Variants in MAPKAP1 observed in about 807,000 individuals in gnomAD.
MAPKAP1 encodes the protein MAPK associated protein 1.
Under a neutral mutation model 65.7 loss-of-function variants are expected in MAPKAP1, and 20 were observed. The observed-to-expected ratio is 0.30, with a 90% CI of 0.21 to 0.44. MAPKAP1 has a LOEUF of 0.44. Among genes scored for constraint, MAPKAP1 ranks in the 20% least tolerant of loss-of-function variants. The pLI, the probability that MAPKAP1 is intolerant of heterozygous loss-of-function variation, is 1.00. For synonymous variants in MAPKAP1, 222 were observed against 244.3 expected (o/e 0.91, Z 0.85); for missense variants, 423 against 648.0 (o/e 0.65, Z 3.77).
rs191575455 is a variant in MAPKAP1 at position 125,678,538 on chromosome 9, G to A, written c.-69-5895C>T. Among the ~76,000 whole-genome samples the A allele has an allele frequency of 4.2e-3, 641 of 152,204 alleles. 5 individuals are homozygous for A. Among genetic ancestry groups the A allele is most frequent in the African/African-American group, 0.014 (600 of 41,532 alleles). ...ATTACAGGCGTGAGCCACCGCGCCC[G>A]GCCCAGGCATTTTTAATATACTAGG... On this transcript the variant is annotated intron_variant, in intron 1 of 11. Coordinates refer to ENST00000265960, the MANE Select transcript of MAPKAP1 (RefSeq NM_001006617.3).
chr9:125,451,278 C>T (rs1852938807), intron 10 of MAPKAP1, among the ~76,000 whole-genome samples: 1 of 152,192 alleles, frequency 6.6e-6, no homozygotes, highest in Non-Finnish European at 1.5e-5. Flanking sequence ...CCTGGCTTCC[C>T]TGGAGGCACG....
At chr9:125,591,175 T>G (rs768968312) in intron 4 of MAPKAP1, among the ~76,000 whole-genome samples, 2 of 152,230 alleles carry the variant, frequency 1.3e-5, no homozygotes, top group African/African-American at 2.4e-5. Flanking sequence ...TCAAACCTCA[T>G]GTCAGCCTGA....
At chr9:125,646,933 T>C (rs936117955) in intron 4 of MAPKAP1, among the ~76,000 whole-genome samples, 2 of 152,232 alleles carry the variant, frequency 1.3e-5, no homozygotes, top group Non-Finnish European at 2.9e-5. Flanking sequence ...GCACCACAAT[T>C]TGATTACTAT....
chr9:125,529,869 T>C (rs1298452113), intron 7 of MAPKAP1, among the ~76,000 whole-genome samples: 2 of 152,262 alleles, frequency 1.3e-5, no homozygotes, highest in Non-Finnish European at 2.9e-5. Context: ...ATTATTGTCA[T>C]GTAAGGCAGA....
chr9:125,524,670 A>G, intron 7 of MAPKAP1, among the ~76,000 whole-genome samples: 1 of 152,180 alleles, frequency 6.6e-6, no homozygotes, highest in East Asian at 1.9e-4. Context: ...TGTTAGATCT[A>G]TTATCTGGGA....
At chr9:125,459,849 A>G (rs1853404007) in intron 10 of MAPKAP1, among the ~76,000 whole-genome samples, 1 of 21,222 alleles carries the variant, frequency 4.7e-5, no homozygotes, top group Non-Finnish European at 9.1e-5. Flanking sequence ...GGAGAGGGAG[A>G]CCGTGGGGAG....
intron 1 of MAPKAP1, among the ~76,000 whole-genome samples, chr9:125,674,355 G>A (rs1834583968): frequency 6.6e-6 from 1 of 152,184 alleles, no homozygotes; most frequent in African/African-American, 2.4e-5. Flanking sequence ...GTCTTAGTAA[G>A]TTCGTGGCAC....
rs557997280 is a variant in MAPKAP1 at position 125,639,173 on chromosome 9, G to A, written c.498+18478C>T. ...GGAGAACTGCTTGAACCCAGGAGGC[G>A]GAGGCTGCAGGGAGCCGAGAATGCA... On this transcript the variant is annotated intron_variant, in intron 4 of 11. Coordinates refer to ENST00000265960, the MANE Select transcript of MAPKAP1 (RefSeq NM_001006617.3). Among the ~76,000 whole-genome samples, 112 of 152,220 alleles carry A rather than the reference G, an allele frequency of 7.4e-4. 1 individual carries two copies. The highest frequency in any genetic ancestry group is 4.1e-4 in the Non-Finnish European group (28 of 68,002).
rs7847887 is a variant in MAPKAP1 at position 125,617,364 on chromosome 9, G to A, written c.499-31637C>T. On this transcript the variant is annotated intron_variant, in intron 4 of 11. Coordinates refer to ENST00000265960, the MANE Select transcript of MAPKAP1 (RefSeq NM_001006617.3). The stretch of plus-strand genomic sequence containing the variant: ...GCGTCCTAGCTACTACTGAGACTGA[G>A]TTGGAAAGATTGCTTGAGCCTGGGA... 6.2e-3 allele frequency among the ~76,000 whole-genome samples: 947 copies of A among 152,324 alleles called. 16 individuals are homozygous for A. The highest frequency in any genetic ancestry group is 0.022 in the African/African-American group (911 of 41,574).
chr9:125,603,620 T>C (rs1832367911), intron 4 of MAPKAP1, among the ~76,000 whole-genome samples: 1 of 152,240 alleles, frequency 6.6e-6, no homozygotes, highest in East Asian at 1.9e-4. Flanking sequence ...TCTTGAGTCT[T>C]AGTCAGTCCA....
chr9:125,578,445 GA>G (rs34239325), intron 5 of MAPKAP1, among the ~76,000 whole-genome samples: 74,966 of 150,120 alleles, frequency 0.5, 19,168 homozygotes, highest in East Asian at 0.67. Flanking sequence ...AAATAAATAC[GA>G]AAAAAAAAGC....
intron 10 of MAPKAP1, among the ~76,000 whole-genome samples, chr9:125,457,325 T>C (rs937304185): frequency 6.6e-6 from 1 of 152,210 alleles, no homozygotes; most frequent in Non-Finnish European, 1.5e-5. Flanking sequence ...ATTGTATTTC[T>C]CAGCTCTGGA....
At position 125,698,333 on chromosome 9, in the gene MAPKAP1, AT is replaced by A. The variant is rs1564622646; in HGVS notation, c.-70+8637del. 3.0e-3 allele frequency among the ~76,000 whole-genome samples: 312 copies of A among 105,426 alleles called. 3 individuals carry two copies. The highest frequency in any genetic ancestry group is 4.2e-3 in the Non-Finnish European group (218 of 51,778). The allele number at this position is 105,426 out of a possible 152,430, so 69.2% of individuals were successfully genotyped here. A position where few individuals can be genotyped will look rare whatever the true frequency, so the allele number is the denominator to read the frequency against. On this transcript the variant is annotated intron_variant, in intron 1 of 11. Coordinates refer to ENST00000265960, the MANE Select transcript of MAPKAP1 (RefSeq NM_001006617.3). Reference sequence around the variant, plus strand: ...TATATATATATATATATATATATATATATAAAATATATATATTTTTTGAGAT... The same window carrying A: ...TATATATATATATATATATATATATAATAAAATATATATATTTTTTGAGAT...
chr9:125,574,873 G>GA (rs1831346067), intron 5 of MAPKAP1, among the ~76,000 whole-genome samples: 1 of 152,152 alleles, frequency 6.6e-6, no homozygotes, highest in Non-Finnish European at 1.5e-5. Flanking sequence ...TTATACATGA[G>GA]AAAATCATAC....
At chr9:125,684,696 A>C (rs1389210702) in intron 1 of MAPKAP1, among the ~76,000 whole-genome samples, 1 of 152,150 alleles carries the variant, frequency 6.6e-6, no homozygotes, top group Non-Finnish European at 1.5e-5. Flanking sequence ...TTGGTCTGAG[A>C]AGCCTTTTCA....
At chr9:125,575,797 T>A (rs765536812) in intron 5 of MAPKAP1, among the ~76,000 whole-genome samples, 2 of 152,192 alleles carry the variant, frequency 1.3e-5, no homozygotes, top group Non-Finnish European at 2.9e-5. Flanking sequence ...TTTGGCAGTG[T>A]CTTATATCAT....
chr9:125,543,517 C>G (rs1282625938), intron 6 of MAPKAP1, among the ~76,000 whole-genome samples: 2 of 151,754 alleles, frequency 1.3e-5, no homozygotes, highest in Non-Finnish European at 1.5e-5. Flanking sequence ...ACCTCGTGAT[C>G]TGCCCGCCTC....
At chr9:125,545,090 T>C (rs898325946) in intron 6 of MAPKAP1, among the ~76,000 whole-genome samples, 2 of 152,310 alleles carry the variant, frequency 1.3e-5, no homozygotes, top group African/African-American at 4.8e-5. Context: ...ACAGCAGGCC[T>C]GAGAACTGTC....
intron 4 of MAPKAP1, among the ~76,000 whole-genome samples, chr9:125,625,163 C>T (rs1411327391): frequency 1.0e-5 from 1 of 99,152 alleles, no homozygotes; most frequent in African/African-American, 3.7e-5. Flanking sequence ...TGTTTATCTG[C>T]TGACCTTCCC....
Sources: gnomAD v4.1 joint callset for allele counts (sites outside exome capture counted in the v4.1 genomes callset) on GRCh38, gnomAD v4.1.1 for gene constraint, MANE v1.5 for transcripts, NCBI Gene and HGNC (gene_info 2026-07-23, HGNC 2026-07-21) for gene names.